NFKB1: variants seen among roughly 807,000 people sequenced by gnomAD.
NFKB1 encodes nuclear factor NF-kappa-B p105 subunit.
A neutral mutation model predicts 105.1 loss-of-function variants in NFKB1; 9 were observed. That is an observed-to-expected ratio of 0.09 (90% confidence interval 0.05 to 0.15). The LOEUF is 0.15. Ranked by LOEUF, NFKB1 falls within the 10% of genes least tolerant of loss-of-function variation. NFKB1 has a pLI of 1.00. For synonymous variants in NFKB1, 440 were observed against 442.2 expected, an observed-to-expected ratio of 1.00 and a Z score of 0.06; for missense variants, 830 against 1,203.7, an observed-to-expected ratio of 0.69 and a Z score of 4.59.
chr4:102,582,116 T>TC (rs1725362238), intron 9 of NFKB1, among the ~76,000 whole-genome samples: 1 of 152,138 alleles, frequency 6.6e-6, no homozygotes, highest in African/African-American at 2.4e-5. Context: ...ATAAACACAC[T>TC]CCATGACTAG....
At chr4:102,612,193 G>A in intron 21 of NFKB1, 83 bp downstream of exon 21, 1 of 1,300,868 alleles carries the variant, frequency 7.7e-7, no homozygotes, top group East Asian at 2.3e-5. Flanking sequence ...ATTATCCAGG[G>A]TCTACTGTTA....
intron 1 of NFKB1, chr4:102,510,985 C>A: frequency 7.8e-7 from 1 of 1,276,872 alleles, no homozygotes; most frequent in Non-Finnish European, 1.0e-6. Context: ...AAAAAGTCAG[C>A]CTTTAAAAAG....
At chr4:102,573,906 A>C (rs1188786689) in intron 6 of NFKB1, among the ~76,000 whole-genome samples, 1 of 151,566 alleles carries the variant, frequency 6.6e-6, no homozygotes, top group Non-Finnish European at 1.5e-5. Flanking sequence ...CATATCTGCC[A>C]TGTTACTCCT....
At chr4:102,601,985 C>T (rs73834831) in intron 16 of NFKB1, among the ~76,000 whole-genome samples, 3,428 of 152,236 alleles carry the variant, frequency 0.023, 64 homozygotes, top group African/African-American at 0.057. Context: ...TCCTCATCCT[C>T]CTTGGAGAGA....
intron 7 of NFKB1, among the ~76,000 whole-genome samples, chr4:102,577,355 T>G (rs1475169632): frequency 2.6e-5 from 4 of 152,146 alleles, no homozygotes; most frequent in Admixed American, 2.0e-4. Flanking sequence ...TGTGTCTTCC[T>G]TTACCAAAAA....
chr4:102,553,611 T>C (rs230511), intron 5 of NFKB1, among the ~76,000 whole-genome samples: 110,812 of 152,072 alleles, frequency 0.73, 41,731 homozygotes, highest in African/African-American at 0.92. Flanking sequence ...TTTTAAAAAA[T>C]CTCTTAGATT....
At chr4:102,603,795 G>A (rs552185869) in intron 16 of NFKB1, among the ~76,000 whole-genome samples, 1 of 152,274 alleles carries the variant, frequency 6.6e-6, no homozygotes, top group African/African-American at 2.4e-5. Flanking sequence ...GTACATTTCT[G>A]TGACCATCTG....
chr4:102,548,848 G>A (rs1008844725), intron 5 of NFKB1, among the ~76,000 whole-genome samples: 1 of 151,984 alleles, frequency 6.6e-6, no homozygotes, highest in African/African-American at 2.4e-5. Context: ...TTCTCTTAGA[G>A]ACCTGTCATT....
intron 5 of NFKB1, among the ~76,000 whole-genome samples, chr4:102,550,267 T>G (rs989744856): frequency 1.3e-5 from 2 of 152,074 alleles, no homozygotes; most frequent in South Asian, 2.1e-4. Flanking sequence ...CTTTCCTTAT[T>G]TCTGAAATTG....
chr4:102,525,412 T>C (rs924660531), intron 1 of NFKB1, 100 bp from the exon 2 acceptor site: 1 of 1,084,060 alleles, frequency 9.2e-7, no homozygotes, highest in Non-Finnish European at 1.4e-6. Context: ...TTGGTCTTAC[T>C]GGTATAATAC....
chr4:102,502,151 C>G (rs1412325771), intron 1 of NFKB1: 1 of 152,638 alleles, frequency 6.6e-6, no homozygotes, highest in South Asian at 2.1e-4. Context: ...GAGTGCGCTG[C>G]GGCGCGGAGG....
intron 9 of NFKB1, 146 bp downstream of exon 9, chr4:102,580,785 C>A: frequency 1.7e-6 from 1 of 587,754 alleles, no homozygotes; most frequent in South Asian, 2.8e-5. Flanking sequence ...TTACGTTTTA[C>A]CTCTTCCAAA....
intron 14 of NFKB1, among the ~76,000 whole-genome samples, chr4:102,596,901 A>T (rs964919531): frequency 2.0e-5 from 3 of 151,990 alleles, no homozygotes; most frequent in Non-Finnish European, 4.4e-5. Flanking sequence ...TGGTGGCCAC[A>T]TGTGGTGTCT....
At chr4:102,506,898 A>G (rs908850998) in intron 1 of NFKB1, among the ~76,000 whole-genome samples, 2 of 151,440 alleles carry the variant, frequency 1.3e-5, no homozygotes, top group African/African-American at 2.4e-5. Flanking sequence ...TAATGTGTAT[A>G]TTAAATATAC....
At chr4:102,519,184 A>G (rs1740401708) in intron 1 of NFKB1, among the ~76,000 whole-genome samples, 1 of 151,266 alleles carries the variant, frequency 6.6e-6, no homozygotes, top group Non-Finnish European at 1.5e-5. Context: ...AGGAAGGAAA[A>G]CATTCAGGTA....
chr4:102,587,020 A>G (rs990407874), intron 11 of NFKB1, among the ~76,000 whole-genome samples: 5 of 152,208 alleles, frequency 3.3e-5, no homozygotes, highest in Non-Finnish European at 4.4e-5. Flanking sequence ...AGTGCACTCT[A>G]TATCCTGGTG....
At chr4:102,589,689 A>G (rs980945364) in intron 11 of NFKB1, among the ~76,000 whole-genome samples, 1 of 152,238 alleles carries the variant, frequency 6.6e-6, no homozygotes, top group Admixed American at 6.5e-5. Flanking sequence ...AAGCATGACA[A>G]AACTGACATT....
chr4:102,526,228 G>A (rs903581925), intron 2 of NFKB1, among the ~76,000 whole-genome samples: 2 of 152,096 alleles, frequency 1.3e-5, no homozygotes, highest in African/African-American at 4.8e-5. Context: ...GGAGTTAAAG[G>A]TGTCTTTTTG....
chr4:102,612,710 GA>G, intron 22 of NFKB1, 104 bp downstream of exon 22: 5 of 1,161,552 alleles, frequency 4.3e-6, no homozygotes, highest in Non-Finnish European at 6.1e-6. Flanking sequence ...CTCTGAAGAA[GA>G]AAACCAGTCA....
Sources: gnomAD v4.1 joint callset for allele counts (sites outside exome capture counted in the v4.1 genomes callset) on GRCh38, gnomAD v4.1.1 for gene constraint, MANE v1.5 for transcripts, NCBI Gene and HGNC (gene_info 2026-07-23, HGNC 2026-07-21) for gene names.